EML6: variants seen among roughly 807,000 people sequenced by gnomAD.
EML6 encodes the protein EMAP like 6, also known as echinoderm microtubule-associated protein-like 6.
Under a neutral mutation model 240.1 loss-of-function variants are expected in EML6, and 154 were observed. The ratio of observed to expected loss-of-function variants is 0.64; its 90% CI spans 0.56 to 0.73. The LOEUF (loss-of-function observed/expected upper bound fraction) is 0.73, where lower values mean the gene tolerates loss of function less well. Among genes scored for constraint, EML6 ranks in the 30% least tolerant of loss-of-function variants. The probability of loss-of-function intolerance (pLI) is 0.00; values close to 1 mark genes in which losing one functional copy is unlikely to be tolerated. For missense variants in EML6, 2,964 were observed against 2,474.6 expected (o/e 1.20, Z -4.20); for synonymous variants, 1,148 against 899.0 (o/e 1.28, Z -4.95).
chr2:54,862,377 G>C (rs1670725182), intron 12 of EML6, among the ~76,000 whole-genome samples: 1 of 127,116 alleles, frequency 7.9e-6, no homozygotes, highest in East Asian at 2.1e-4. Flanking sequence ...TTTCTCTGAA[G>C]AGTACTGCCA....
intron 2 of EML6, among the ~76,000 whole-genome samples, chr2:54,737,881 T>C (rs560685007): frequency 4.3e-4 from 66 of 152,302 alleles, no homozygotes; most frequent in African/African-American, 1.4e-3. Context: ...CTACATTCCT[T>C]GATCCACTCC....
intron 28 of EML6, among the ~76,000 whole-genome samples, chr2:54,932,022 G>T (rs1674890367): frequency 6.6e-6 from 1 of 152,216 alleles, no homozygotes; most frequent in South Asian, 2.1e-4. Flanking sequence ...TAAAATAGCT[G>T]TGAGATTTCA....
chr2:54,740,024 A>G (rs1458178775), intron 2 of EML6, among the ~76,000 whole-genome samples: 1 of 152,176 alleles, frequency 6.6e-6, no homozygotes, highest in Admixed American at 6.5e-5. Flanking sequence ...AGCTGGTTGA[A>G]TGGTGATGAC....
chr2:54,901,232 C>G (rs1673041073), intron 22 of EML6, among the ~76,000 whole-genome samples: 2 of 152,182 alleles, frequency 1.3e-5, no homozygotes, highest in Non-Finnish European at 2.9e-5. Context: ...CAAATTCAAA[C>G]CCATGCAGTG....
chr2:54,761,824 T>C (rs2103761065), intron 2 of EML6, among the ~76,000 whole-genome samples: 1 of 152,250 alleles, frequency 6.6e-6, no homozygotes, highest in South Asian at 2.1e-4. Context: ...TTCTTTGTTA[T>C]TCTTTCTCTT....
chr2:54,914,012 A>G (rs999121426), intron 25 of EML6, among the ~76,000 whole-genome samples: 4 of 152,166 alleles, frequency 2.6e-5, no homozygotes, highest in South Asian at 2.1e-4. Flanking sequence ...ATTGGCCTAT[A>G]TGTCTTTTTA....
intron 7 of EML6, among the ~76,000 whole-genome samples, chr2:54,838,422 C>A (rs938552796): frequency 6.6e-6 from 1 of 152,186 alleles, no homozygotes; most frequent in African/African-American, 2.4e-5. Context: ...GAGGAACTAA[C>A]GATATGAATG....
intron 11 of EML6, among the ~76,000 whole-genome samples, chr2:54,856,534 G>A (rs962000010): frequency 1.3e-5 from 2 of 152,226 alleles, no homozygotes; most frequent in African/African-American, 2.4e-5. Flanking sequence ...TGTCCTGAAT[G>A]TTAAGACTTG....
At chr2:54,925,446 T>G (rs1434650943) in intron 26 of EML6, among the ~76,000 whole-genome samples, 2 of 152,218 alleles carry the variant, frequency 1.3e-5, no homozygotes, top group African/African-American at 2.4e-5. Context: ...GTGATACCTG[T>G]GAGATCTTAT....
At chr2:54,913,679 A>G (rs895342828) in intron 25 of EML6, among the ~76,000 whole-genome samples, 4 of 152,064 alleles carry the variant, frequency 2.6e-5, no homozygotes, top group African/African-American at 7.2e-5. Flanking sequence ...TCACTTGTCA[A>G]TTTTTGTTTT....
chr2:54,808,856 A>G (rs1239484322), intron 2 of EML6, among the ~76,000 whole-genome samples: 4 of 152,338 alleles, frequency 2.6e-5, no homozygotes, highest in Non-Finnish European at 5.9e-5. Flanking sequence ...CTGGCATGCT[A>G]GAGAAACAAA....
intron 2 of EML6, among the ~76,000 whole-genome samples, chr2:54,754,145 A>G (rs1388660467): frequency 6.9e-6 from 1 of 144,374 alleles, no homozygotes; most frequent in Admixed American, 6.9e-5. Context: ...AAAAAAAAAA[A>G]TTTTTTTTTT....
chr2:54,779,150 G>A (rs1572886438), intron 2 of EML6, among the ~76,000 whole-genome samples: 1 of 152,146 alleles, frequency 6.6e-6, no homozygotes, highest in African/African-American at 2.4e-5. Flanking sequence ...TCATGAACTT[G>A]TCAGTGGTAG....
chr2:54,875,885 T>A (rs560260999), intron 16 of EML6, among the ~76,000 whole-genome samples: 2 of 152,186 alleles, frequency 1.3e-5, no homozygotes, highest in South Asian at 4.1e-4. Flanking sequence ...ACCATATAAT[T>A]TTTTTAAAAG....
At position 54,844,131 on chromosome 2, in the gene EML6, G is replaced by A. The variant is rs374203536; in HGVS notation, c.932G>A (p.Arg311Gln). Reference sequence around the variant, plus strand: ...AGTGAGATATTTGAAGTGATTGTGCGAGAGCGAGACAAGCCGATGTTGATC... The same window carrying A: ...AGTGAGATATTTGAAGTGATTGTGCAAGAGCGAGACAAGCCGATGTTGATC... ...QDSEIFEVIV[R>Q]ERDKPMLILQ... Residue 311 changes from arginine to glutamine, a missense_variant, in exon 8 of 42, where the codon CGA becomes CAA. Physicochemically the swap from Arg to Gln is conservative, Grantham distance 43 (BLOSUM62 1). Transcript: ENST00000356458. The A allele has an allele frequency of 2.0e-5, 31 of 1,551,656 alleles. No individual in the cohort carries two copies. Among genetic ancestry groups the A allele is most frequent in the Middle Eastern group, 1.7e-4 (1 of 5,992 alleles).
intron 17 of EML6, 76 bp from the exon 18 acceptor site, chr2:54,890,978 C>T (rs1038610847): frequency 4.4e-6 from 3 of 678,078 alleles, no homozygotes; most frequent in Non-Finnish European, 7.2e-6. Flanking sequence ...TAAAATTAGA[C>T]CAAATGCATG....
chr2:54,882,568 A>T (rs999172761), intron 17 of EML6: 3 of 152,104 alleles, frequency 2.0e-5, no homozygotes, highest in African/African-American at 7.2e-5. Context: ...TAGAAAGCTT[A>T]GGGACAAAGG....
In EML6 at chr2:54,968,167, T is replaced by G. The variant is rs1329022819; in HGVS notation, c.5637T>G (p.Asn1879Lys). ...AAGTCATTGGAATCTGGCCACGAAA[T>G]GCAGACAAGGCTGATGTCAACTGCG... ...GDEVIGIWPR[N>K]ADKADVNCAC... Residue 1879 changes from asparagine (N) to lysine (K), a missense_variant, in exon 40 of 42, where the codon AAT (asparagine) becomes AAG (lysine). By Grantham distance (94) the Asn-to-Lys change is moderately conservative. Transcript: ENST00000356458. 6.4e-7 allele frequency: 1 copy of G among 1,551,578 alleles called. No homozygotes were observed. Among genetic ancestry groups the G allele is most frequent in the Non-Finnish European group, 8.7e-7 (1 of 1,146,978 alleles).
chr2:54,876,960 C>T (rs1367433999), intron 16 of EML6, among the ~76,000 whole-genome samples: 2 of 151,694 alleles, frequency 1.3e-5, no homozygotes, highest in Admixed American at 6.6e-5. Flanking sequence ...TTTGTACTCA[C>T]TCTTGACTCA....
Sources: allele counts gnomAD v4.1 joint callset (sites outside exome capture counted in the v4.1 genomes callset), GRCh38; gene constraint gnomAD v4.1.1; transcripts MANE v1.5; gene names NCBI Gene and HGNC (gene_info 2026-07-23, HGNC 2026-07-21).